MMP16: variants seen among roughly 807,000 people sequenced by gnomAD.
MMP16 encodes matrix metallopeptidase 16, also known as matrix metalloproteinase-16.
MMP16 carries 12 observed loss-of-function variants against 67.8 expected under a neutral mutation model. That is an observed-to-expected ratio of 0.18 (90% CI 0.11 to 0.29). The LOEUF is 0.29. Among genes scored for constraint, MMP16 ranks in the 10% least tolerant of loss-of-function variants. The pLI, the probability that MMP16 is intolerant of heterozygous loss-of-function variation, is 1.00. For missense variants in MMP16, 475 were observed against 765.7 expected, an observed-to-expected ratio of 0.62 and a Z score of 4.48; for synonymous variants, 249 against 255.9, an observed-to-expected ratio of 0.97 and a Z score of 0.26.
intron 1 of MMP16, among the ~76,000 whole-genome samples, chr8:88,305,593 G>A (rs1811199707): frequency 6.6e-6 from 1 of 152,168 alleles, no homozygotes; most frequent in South Asian, 2.1e-4. Flanking sequence ...CAGTCTGTCA[G>A]ACCACAGTGC....
At chr8:88,251,546 G>T (rs1810222062) in intron 1 of MMP16, among the ~76,000 whole-genome samples, 1 of 126,582 alleles carries the variant, frequency 7.9e-6, no homozygotes, top group African/African-American at 3.3e-5. Context: ...AACCCTAGAA[G>T]AAAACCTAGG....
chr8:88,169,822 T>G (rs1010421826), intron 3 of MMP16, among the ~76,000 whole-genome samples: 1 of 152,020 alleles, frequency 6.6e-6, no homozygotes, highest in Admixed American at 6.6e-5. Flanking sequence ...GGAGACCAAA[T>G]AAGGTAGGTC....
intron 1 of MMP16, among the ~76,000 whole-genome samples, chr8:88,237,705 T>C (rs771358775): frequency 1.3e-5 from 2 of 152,084 alleles, no homozygotes; most frequent in Non-Finnish European, 2.9e-5. Flanking sequence ...ATCTTGGGTA[T>C]GGCACGTACA....
rs555643035 is a variant in MMP16, at chr8:88,209,355, T to C, written c.133-12049A>G. Among the ~76,000 whole-genome samples the C allele has an allele frequency of 1.8e-3, 268 of 152,260 alleles. 3 individuals are homozygous for C. The highest frequency in any genetic ancestry group is 4.1e-4 in the South Asian group (2 of 4,830). On this transcript the variant is annotated intron_variant, in intron 1 of 9. Coordinates refer to ENST00000286614, the MANE Select transcript of MMP16 (RefSeq NM_005941.5). ...ACTTCCACTTAATAAAAAATAAATA[T>C]ATTTTTCTTCCATATGATTTTCTTA...
intron 3 of MMP16, among the ~76,000 whole-genome samples, chr8:88,170,896 A>G (rs1034635999): frequency 6.6e-6 from 1 of 152,214 alleles, no homozygotes; most frequent in Non-Finnish European, 1.5e-5. Context: ...TCAGAAGTTC[A>G]CATAAGAGAA....
intron 1 of MMP16, among the ~76,000 whole-genome samples, chr8:88,264,968 C>G (rs925369455): frequency 6.6e-6 from 1 of 152,216 alleles, no homozygotes; most frequent in African/African-American, 2.4e-5. Flanking sequence ...CTTGCATTGG[C>G]CTACCAATTC....
chr8:88,168,173 C>A (rs564942478), intron 3 of MMP16, among the ~76,000 whole-genome samples, 200 bp from the exon 4 acceptor site: 1 of 152,024 alleles, frequency 6.6e-6, no homozygotes, highest in African/African-American at 2.4e-5. Context: ...TATTCATGTA[C>A]CAAAGTTTTA....
At chr8:88,288,102 A>G (rs1054781694) in intron 1 of MMP16, among the ~76,000 whole-genome samples, 1 of 152,230 alleles carries the variant, frequency 6.6e-6, no homozygotes, top group African/African-American at 2.4e-5. Context: ...TCAAAGCCTC[A>G]TTTACTTTAG....
rs773201650 is a variant in MMP16, at chr8:88,301,075, C to A, written c.132+26000G>T. Among the ~76,000 whole-genome samples the A allele has an allele frequency of 1.0e-3, 159 of 152,250 alleles. 1 individual carries two copies. The highest frequency in any genetic ancestry group is 2.4e-3 in the Admixed American group (37 of 15,288). Reference sequence around the variant, plus strand: ...GCCTTATTAATACCTTAAAATTTATCAATCATTTATCTTGTACAAAAAACA... The same window carrying A: ...GCCTTATTAATACCTTAAAATTTATAAATCATTTATCTTGTACAAAAAACA... On this transcript the variant is annotated intron_variant, in intron 1 of 9. Transcript: ENST00000286614.
rs766048424 is a variant in MMP16, at chr8:88,186,463, T to C, written c.404+13A>G. On this transcript the variant is annotated intron_variant, in intron 3 of 9. Coordinates refer to ENST00000286614, the MANE Select transcript of MMP16 (RefSeq NM_005941.5). ...TATGGGGAAAAGGGGAGATTAATCG[T>C]GAGTTCTTATACCTGTAAGTGATGT... 6.2e-6 allele frequency: 10 copies of C among 1,611,906 alleles called. 1 individual carries two copies. The South Asian group carries it at 9.9e-5, about 16-fold the overall frequency.
intron 7 of MMP16, among the ~76,000 whole-genome samples, chr8:88,060,318 T>C (rs1180560658): frequency 6.6e-6 from 1 of 152,124 alleles, no homozygotes; most frequent in Non-Finnish European, 1.5e-5. Flanking sequence ...GCTTATGTTA[T>C]TTCAACAGTT....
intron 2 of MMP16, among the ~76,000 whole-genome samples, chr8:88,195,478 C>T (rs1809234829): frequency 6.6e-6 from 1 of 152,074 alleles, no homozygotes; most frequent in Non-Finnish European, 1.5e-5. Flanking sequence ...AGAACAAGAA[C>T]GCTGTCCACA....
chr8:88,144,744 A>T (rs76381578), intron 4 of MMP16, among the ~76,000 whole-genome samples: 10,600 of 152,018 alleles, frequency 0.07, 401 homozygotes, highest in East Asian at 0.16. Context: ...CTCAGTGTTA[A>T]ATAAAAAACA....
chr8:88,310,423 G>A (rs1563591974), intron 1 of MMP16, among the ~76,000 whole-genome samples: 1 of 152,114 alleles, frequency 6.6e-6, no homozygotes, highest in African/African-American at 2.4e-5. Context: ...TGAAGTAAAT[G>A]TAAGGTAAAG....
In MMP16 at chr8:88,327,116, A is replaced by G. The variant is rs949006928; in HGVS notation, c.91T>C (p.Cys31Arg). 6.2e-7 allele frequency: 1 copy of G among 1,614,102 alleles called. No homozygotes were observed. Among genetic ancestry groups the G allele is most frequent in the Non-Finnish European group, 8.5e-7 (1 of 1,180,012 alleles). ...FFLQTLLWIL[C>R]ATVCGTEQYF... ...TGCTCCGTTCCGCAGACTGTAGCACATAAAATCCAAAGCAAGGTTTGCAAG... is the reference window on the plus strand; with the variant it reads ...TGCTCCGTTCCGCAGACTGTAGCACGTAAAATCCAAAGCAAGGTTTGCAAG... Residue 31 changes from cysteine (C) to arginine (R), a missense_variant, in exon 1 of 10, where the codon TGT becomes CGT. Around this residue, in one of 5 missense-constraint regions of MMP16, gnomAD observed 170 missense variants for 239.6 expected, o/e 0.71. Transcript: ENST00000286614.
chr8:88,241,357 A>G (rs1810030530), intron 1 of MMP16, among the ~76,000 whole-genome samples: 1 of 152,072 alleles, frequency 6.6e-6, no homozygotes, highest in Non-Finnish European at 1.5e-5. Context: ...AGCTTATTGC[A>G]TTATCAGAAA....
In MMP16 at chr8:88,250,838, ACATACG is replaced by A. The variant is rs1229001412; in HGVS notation, c.133-53538_133-53533del. Among the ~76,000 whole-genome samples, 4 of 150,974 alleles carry A rather than the reference ACATACG, an allele frequency of 2.6e-5. No individual in the cohort carries two copies. In the East Asian group the frequency reaches 7.9e-4, roughly 30 times the overall value. On this transcript the variant is annotated intron_variant, in intron 1 of 9. Transcript: ENST00000286614. ...CATGTGCACATTGTGCAGGTTAGTT[ACATACG>A]CATACATGTGCCATGCTGGTGTGCT...
intron 1 of MMP16, among the ~76,000 whole-genome samples, chr8:88,320,818 T>C (rs1811448440): frequency 6.6e-6 from 1 of 152,122 alleles, no homozygotes; most frequent in African/African-American, 2.4e-5. Flanking sequence ...GGTTAGGGGC[T>C]ACACTTACTC....
chr8:88,181,372 C>T (rs1273181981), intron 3 of MMP16, among the ~76,000 whole-genome samples: 2 of 151,850 alleles, frequency 1.3e-5, no homozygotes, highest in Non-Finnish European at 2.9e-5. Context: ...AAGTCAATTG[C>T]TTTTCTATCT....
Sources: gnomAD v4.1 joint callset for allele counts (sites outside exome capture counted in the v4.1 genomes callset) on GRCh38, gnomAD v4.1.1 for gene constraint, gnomAD v4.1.1 regional missense constraint, MANE v1.5 for transcripts, NCBI Gene and HGNC (gene_info 2026-07-23, HGNC 2026-07-21) for gene names.